The following FOXP1 variants were observed in gnomAD, a reference collection of about 807,000 sequenced individuals.
The protein encoded by FOXP1 is forkhead box protein P1.
In FOXP1, 15 loss-of-function variants were observed where a neutral mutation model predicts 98.2. The ratio of observed to expected loss-of-function variants is 0.15; its 90% CI spans 0.10 to 0.24. FOXP1 has a LOEUF of 0.24. FOXP1 is among the 10% of genes least tolerant of loss of function. The probability of loss-of-function intolerance (pLI) is 1.00; values close to 1 mark genes in which losing one functional copy is unlikely to be tolerated. For synonymous variants in FOXP1, 371 were observed against 314.5 expected (o/e 1.18, Z -1.90); for missense variants, 633 against 848.5 (o/e 0.75, Z 3.15).
At position 71,442,747 on chromosome 3, in the gene FOXP1, C is replaced by A. The variant is rs1167033758; in HGVS notation, c.-168+50679G>T. Among the ~76,000 whole-genome samples the A allele has an allele frequency of 4.6e-5, 7 of 152,182 alleles. 1 individual carries two copies. The highest frequency in any genetic ancestry group is 2.6e-4 in the Admixed American group (4 of 15,278). Reference sequence around the variant, plus strand: ...CCCAGGCCTGCTCCATCAGGAAAACCAGGGAGAAGGGGATTGCAGGCGGAG... The same window carrying A: ...CCCAGGCCTGCTCCATCAGGAAAACAAGGGAGAAGGGGATTGCAGGCGGAG... On this transcript the variant is annotated intron_variant, in intron 3 of 20. Coordinates refer to ENST00000649528, the MANE Select transcript of FOXP1 (RefSeq NM_001349338.3).
At chr3:71,430,479 T>C (rs1242456876) in intron 3 of FOXP1, among the ~76,000 whole-genome samples, 2 of 151,286 alleles carry the variant, frequency 1.3e-5, no homozygotes, top group Non-Finnish European at 2.9e-5. Context: ...TTGTCTGTGA[T>C]ATGCAGGGAT....
intron 13 of FOXP1, among the ~76,000 whole-genome samples, chr3:71,000,372 C>T (rs1402569768): frequency 2.6e-5 from 4 of 151,572 alleles, no homozygotes; most frequent in Non-Finnish European, 2.9e-5. Flanking sequence ...AAGATGTGCA[C>T]GGTGAACTCT....
At chr3:71,570,183 T>C (rs1211441399) in intron 2 of FOXP1, 1 of 152,048 alleles carries the variant, frequency 6.6e-6, no homozygotes, top group Admixed American at 6.6e-5. Context: ...AAAAGCAAAG[T>C]GGCCCCCACT....
chr3:70,985,043 C>T (rs1430352015), intron 14 of FOXP1, among the ~76,000 whole-genome samples: 3 of 152,194 alleles, frequency 2.0e-5, no homozygotes, highest in Non-Finnish European at 4.4e-5. Context: ...GCAACATTTA[C>T]AGCAAAGCAT....
At chr3:71,106,262 A>C (rs1363110604) in intron 7 of FOXP1, among the ~76,000 whole-genome samples, 1 of 152,266 alleles carries the variant, frequency 6.6e-6, no homozygotes, top group East Asian at 1.9e-4. Context: ...ATAAAATATT[A>C]GCATCACATT....
Position 71,581,943 on chromosome 3 carries a change from G to A in FOXP1, c.-446-246C>T, listed in dbSNP as rs985101832. On this transcript the variant is annotated intron_variant, in intron 1 of 20. Transcript: ENST00000649528. ...AGCACCTTCCCCAGGATCTCACAAA[G>A]TTGCAACAACAAAAAGGAGGGGGGA... 4 of 978,874 alleles carry A rather than the reference G, an allele frequency of 4.1e-6. No individual in the cohort carries two copies. In the African/African-American group the frequency reaches 5.3e-5, roughly 13 times the overall value. 60.6% of individuals were successfully genotyped at this position (978,874 alleles called of 1,614,324 possible).
intron 6 of FOXP1, among the ~76,000 whole-genome samples, chr3:71,151,342 A>T (rs1346982204): frequency 6.6e-6 from 1 of 152,130 alleles, no homozygotes; most frequent in Non-Finnish European, 1.5e-5. Flanking sequence ...GCGCGTCAGG[A>T]TTTATATAAT....
At chr3:71,067,914 TTAAAAAA>T (rs1231168540) in intron 7 of FOXP1, among the ~76,000 whole-genome samples, 1 of 140,534 alleles carries the variant, frequency 7.1e-6, no homozygotes, top group Non-Finnish European at 1.5e-5. Flanking sequence ...AGAAACTGTC[TTAAAAAA>T]TAAAAAATAA....
At chr3:71,005,198 A>T (rs2042608831) in intron 12 of FOXP1, among the ~76,000 whole-genome samples, 1 of 151,622 alleles carries the variant, frequency 6.6e-6, no homozygotes, top group South Asian at 2.1e-4. Context: ...CTAAGTTGAG[A>T]CATCAAAAAC....
At chr3:71,421,374 G>GA (rs1255768367) in intron 3 of FOXP1, among the ~76,000 whole-genome samples, 1 of 152,028 alleles carries the variant, frequency 6.6e-6, no homozygotes, top group East Asian at 1.9e-4. Context: ...CGTAATTTCA[G>GA]AAAAAAAGAA....
At chr3:71,116,349 G>A (rs2058374773) in intron 6 of FOXP1, among the ~76,000 whole-genome samples, 2 of 152,024 alleles carry the variant, frequency 1.3e-5, no homozygotes. Flanking sequence ...AGCACGGGGG[G>A]AAAAGGTTTG....
intron 2 of FOXP1, among the ~76,000 whole-genome samples, chr3:71,518,249 A>C (rs552467538): frequency 8.5e-5 from 13 of 152,316 alleles, no homozygotes; most frequent in African/African-American, 3.1e-4. Context: ...TCAGATCACC[A>C]GCAGCAAAAA....
chr3:71,198,177 C>T (rs2108379489), intron 6 of FOXP1, 25 bp downstream of exon 6: 1 of 1,614,056 alleles, frequency 6.2e-7, no homozygotes. Context: ...CCACCTCCAC[C>T]TCCCAAGACT....
chr3:71,205,001 T>C (rs538405955), intron 5 of FOXP1, among the ~76,000 whole-genome samples: 1 of 152,260 alleles, frequency 6.6e-6, no homozygotes, highest in South Asian at 2.1e-4. Context: ...CAATACCACA[T>C]TTTCATAATT....
intron 5 of FOXP1, among the ~76,000 whole-genome samples, chr3:71,226,472 G>A (rs1350520236): frequency 1.3e-5 from 2 of 149,622 alleles, no homozygotes; most frequent in Admixed American, 6.7e-5. Flanking sequence ...GAAAATGCCC[G>A]TCACCTATGC....
At chr3:71,170,702 T>TA (rs1215381396) in intron 6 of FOXP1, among the ~76,000 whole-genome samples, 1 of 152,264 alleles carries the variant, frequency 6.6e-6, no homozygotes, top group East Asian at 1.9e-4. Flanking sequence ...GATGTAATTA[T>TA]ACAATTTGTG....
intron 3 of FOXP1, among the ~76,000 whole-genome samples, chr3:71,433,545 T>C (rs1040516817): frequency 3.3e-5 from 5 of 152,136 alleles, no homozygotes; most frequent in African/African-American, 1.2e-4. Flanking sequence ...CTTTGAATAA[T>C]CTCAGATTGT....
intron 3 of FOXP1, among the ~76,000 whole-genome samples, chr3:71,492,226 C>A (rs141624455): frequency 1.9e-4 from 29 of 152,132 alleles, no homozygotes; most frequent in Non-Finnish European, 3.5e-4. Flanking sequence ...CTGAGACGGG[C>A]GGATCACCTG....
intron 7 of FOXP1, among the ~76,000 whole-genome samples, chr3:71,086,465 G>T (rs1367167601): frequency 6.6e-6 from 1 of 152,182 alleles, no homozygotes. Context: ...GTACCGGGGG[G>T]AAAGGGAGCA....
Sources: gnomAD v4.1 joint callset for allele counts (sites outside exome capture counted in the v4.1 genomes callset) on GRCh38, gnomAD v4.1.1 for gene constraint, MANE v1.5 for transcripts, NCBI Gene and HGNC (gene_info 2026-07-23, HGNC 2026-07-21) for gene names.